The following MEF2A variants were observed in gnomAD, a reference collection of about 807,000 sequenced individuals.
The protein encoded by MEF2A is myocyte enhancer factor 2A, also known as myocyte-specific enhancer factor 2A.
MEF2A carries 28 observed loss-of-function variants against 55.8 expected under a neutral mutation model. The observed-to-expected ratio is 0.50, with a 90% confidence interval of 0.37 to 0.69. The LOEUF is 0.69. Among genes scored for constraint, MEF2A ranks in the 30% least tolerant of loss-of-function variants. The pLI is 0.00. For missense variants in MEF2A, 528 were observed against 626.2 expected (o/e 0.84, Z 1.67); for synonymous variants, 239 against 227.1 (o/e 1.05, Z -0.47).
At chr15:99,642,965 G>A (rs1230383803) in intron 3 of MEF2A, among the ~76,000 whole-genome samples, 1 of 152,126 alleles carries the variant, frequency 6.6e-6, no homozygotes, top group East Asian at 1.9e-4. Flanking sequence ...TGTTTTTAGA[G>A]GAGTAGAGAG....
chr15:99,582,644 T>C (rs561413111), intron 1 of MEF2A, among the ~76,000 whole-genome samples: 4 of 152,178 alleles, frequency 2.6e-5, no homozygotes, highest in African/African-American at 9.6e-5. Flanking sequence ...TGACTCAGGA[T>C]TTTACGCTTT....
chr15:99,572,206 CAT>C (rs1264358743), intron 1 of MEF2A, among the ~76,000 whole-genome samples: 10 of 152,264 alleles, frequency 6.6e-5, no homozygotes, highest in East Asian at 1.9e-4. Context: ...TCATTCATCA[CAT>C]GTCAGCCACG....
rs975775886 is a variant in MEF2A at position 99,673,706 on chromosome 15, A to G, written c.391-687A>G. ...GAGGGAGGGAAGGTTAGCATTTATA[A>G]TATTTGTAATTTAATCTTTATACAA... is the stretch of plus-strand genomic sequence containing the variant. On this transcript the variant is annotated intron_variant, in intron 5 of 11. Coordinates refer to ENST00000557942, the MANE Select transcript of MEF2A (RefSeq NM_001319206.4). Among the ~76,000 whole-genome samples the G allele has an allele frequency of 5.3e-5, 8 of 152,188 alleles. No individual in the cohort carries two copies. In the South Asian group the frequency reaches 1.2e-3, roughly 24 times the overall value.
chr15:99,678,087 G>A (rs979855113), intron 7 of MEF2A, among the ~76,000 whole-genome samples: 2 of 152,082 alleles, frequency 1.3e-5, no homozygotes, highest in Non-Finnish European at 2.9e-5. Flanking sequence ...TTATTTAAAA[G>A]ACTAATAAAA....
At chr15:99,662,824 T>C (rs2048892278) in intron 4 of MEF2A, among the ~76,000 whole-genome samples, 3 of 152,232 alleles carry the variant, frequency 2.0e-5, no homozygotes, top group Admixed American at 2.0e-4. Flanking sequence ...ATACTTATGC[T>C]AGATTTACTG....
chr15:99,685,294 A>G (rs1005248131), intron 7 of MEF2A, among the ~76,000 whole-genome samples: 13 of 151,964 alleles, frequency 8.6e-5, no homozygotes, highest in Non-Finnish European at 1.8e-4. Flanking sequence ...CAGTATGGCC[A>G]TTTTCACAAT....
intron 4 of MEF2A, among the ~76,000 whole-genome samples, chr15:99,652,691 C>T (rs2047053718): frequency 6.6e-6 from 1 of 152,162 alleles, no homozygotes; most frequent in Non-Finnish European, 1.5e-5. Context: ...TTTGGATAGC[C>T]ACTGAAAGAG....
intron 2 of MEF2A, among the ~76,000 whole-genome samples, chr15:99,620,569 T>G (rs1367327728): frequency 6.6e-6 from 1 of 152,216 alleles, no homozygotes; most frequent in African/African-American, 2.4e-5. Flanking sequence ...GCATCACGTT[T>G]TCTTTATCCA....
intron 2 of MEF2A, among the ~76,000 whole-genome samples, chr15:99,625,234 G>A (rs1359018779): frequency 1.3e-5 from 2 of 152,000 alleles, no homozygotes; most frequent in Non-Finnish European, 2.9e-5. Context: ...GAATTTTCTT[G>A]TTTCATATTG....
At chr15:99,656,151 C>T (rs985921311) in intron 4 of MEF2A, among the ~76,000 whole-genome samples, 1 of 151,902 alleles carries the variant, frequency 6.6e-6, no homozygotes. Context: ...CTAGTAGGGA[C>T]AAAAATATAA....
chr15:99,592,577 T>C (rs984037929), intron 1 of MEF2A, among the ~76,000 whole-genome samples: 11 of 152,170 alleles, frequency 7.2e-5, no homozygotes, highest in Admixed American at 6.5e-4. Flanking sequence ...TCTGCAGACG[T>C]ACAAGAAGCA....
chr15:99,683,162 A>C (rs570094109), intron 7 of MEF2A, among the ~76,000 whole-genome samples: 1 of 152,330 alleles, frequency 6.6e-6, no homozygotes, highest in East Asian at 1.9e-4. Flanking sequence ...TCTGAAGCTT[A>C]ACAGGATGCA....
intron 3 of MEF2A, among the ~76,000 whole-genome samples, chr15:99,642,108 T>C (rs778798299): frequency 6.6e-6 from 1 of 152,230 alleles, no homozygotes; most frequent in African/African-American, 2.4e-5. Context: ...ACTTGAAGTC[T>C]GACTTGGCTA....
chr15:99,623,905 T>G (rs894841032), intron 2 of MEF2A, among the ~76,000 whole-genome samples: 1 of 151,988 alleles, frequency 6.6e-6, no homozygotes, highest in Non-Finnish European at 1.5e-5. Flanking sequence ...CTTCCCGGGT[T>G]CAAGTGATTC....
At chr15:99,649,568 T>G (rs1341258372) in intron 4 of MEF2A, among the ~76,000 whole-genome samples, 1 of 152,192 alleles carries the variant, frequency 6.6e-6, no homozygotes, top group African/African-American at 2.4e-5. Flanking sequence ...TAATTTAATT[T>G]AAATGTATGA....
chr15:99,635,721 T>A (rs968101116), intron 3 of MEF2A, among the ~76,000 whole-genome samples: 4 of 152,226 alleles, frequency 2.6e-5, no homozygotes, highest in Non-Finnish European at 5.9e-5. Flanking sequence ...TTGTGAAATT[T>A]ATCAGTGGTA....
chr15:99,696,137 G>C (rs967708385), intron 8 of MEF2A, among the ~76,000 whole-genome samples: 2 of 152,120 alleles, frequency 1.3e-5, no homozygotes, highest in Admixed American at 1.3e-4. Context: ...GAACTAAAAG[G>C]TGAGTAGAAA....
intron 4 of MEF2A, among the ~76,000 whole-genome samples, chr15:99,652,336 G>A (rs934216503): frequency 2.0e-5 from 3 of 152,130 alleles, no homozygotes; most frequent in African/African-American, 7.2e-5. Context: ...ATTCTCTTAC[G>A]AGAATCCAAT....
chr15:99,589,653 A>G (rs920766565), intron 1 of MEF2A, among the ~76,000 whole-genome samples: 1 of 152,100 alleles, frequency 6.6e-6, no homozygotes, highest in Non-Finnish European at 1.5e-5. Context: ...CCAAGTACGT[A>G]TCTTTAGCTT....
Sources: allele counts gnomAD v4.1 joint callset (sites outside exome capture counted in the v4.1 genomes callset), GRCh38; gene constraint gnomAD v4.1.1; transcripts MANE v1.5; gene names NCBI Gene and HGNC (gene_info 2026-07-23, HGNC 2026-07-21).